BNIP2: variants seen among roughly 807,000 people sequenced by gnomAD.
The protein encoded by BNIP2 is BCL2 interacting protein 2.
In BNIP2, 36 loss-of-function variants were observed where a neutral mutation model predicts 43.4. The observed-to-expected ratio is 0.83, with a 90% confidence interval of 0.64 to 1.10. The LOEUF is 1.10. BNIP2 is among the 50% of genes least tolerant of loss of function. The pLI is 0.00. For synonymous variants in BNIP2, 146 were observed against 121.0 expected, an observed-to-expected ratio of 1.21 and a Z score of -1.35; for missense variants, 417 against 374.1, an observed-to-expected ratio of 1.11 and a Z score of -0.95.
rs1172856178 is a variant in BNIP2, at chr15:59,689,249, G to T, written c.-172C>A. On this transcript the variant is annotated 5_prime_UTR_variant, in exon 1 of 10. Coordinates refer to ENST00000607373, the MANE Select transcript of BNIP2 (RefSeq NM_004330.4). ...GCGGAGCCCGCTCCCCTCGGTCGGC[G>T]GTGGAGACCCCGGCCCAATCCCCCG... 4.5e-6 allele frequency: 7 copies of T among 1,543,358 alleles called. No homozygotes were observed. In the East Asian group the frequency reaches 1.5e-4, roughly 32 times the overall value.
At position 59,676,654 on chromosome 15, in the gene BNIP2, T is replaced by C. The variant is rs564760107; in HGVS notation, c.472+1257A>G. On this transcript the variant is annotated intron_variant, in intron 5 of 9. Transcript: ENST00000607373. Reference sequence around the variant, plus strand: ...AATTACATAATATCTCTAGGCAGAGTTTCTAAAAGTATTTAGAATTCTGAT... The same window carrying C: ...AATTACATAATATCTCTAGGCAGAGCTTCTAAAAGTATTTAGAATTCTGAT... 16 of 589,630 alleles carry C rather than the reference T, an allele frequency of 2.7e-5. No individual in the cohort carries two copies. In the South Asian group the frequency reaches 3.5e-4, roughly 13 times the overall value. The allele number at this position is 589,630 out of a possible 1,614,324, so 36.5% of individuals were successfully genotyped here.
intron 2 of BNIP2, 126 bp downstream of exon 2, chr15:59,682,282 G>T (rs6151486): frequency 0.35 from 245,483 of 701,972 alleles, 45,283 homozygotes; most frequent in East Asian, 0.54. Context: ...AGCTGAGATC[G>T]CGCCACTGCA....
chr15:59,666,981 GCAATTCA>G (rs1461517715), intron 9 of BNIP2, among the ~76,000 whole-genome samples: 2 of 151,986 alleles, frequency 1.3e-5, no homozygotes, highest in Non-Finnish European at 2.9e-5. Context: ...ATCAACAAAG[GCAATTCA>G]CTGTGAAATC....
chr15:59,681,396 T>G (rs1327966781), intron 2 of BNIP2, among the ~76,000 whole-genome samples: 1 of 152,124 alleles, frequency 6.6e-6, no homozygotes, highest in Non-Finnish European at 1.5e-5. Context: ...TAGAAAATCC[T>G]TATTAATTTA....
In BNIP2 at chr15:59,682,521, A is replaced by G. The variant is rs1476425399; in HGVS notation, c.-57-7T>C. ...AATCCAGGGAGCCAATGTCCTATGA[A>G]GAGAGAAAAATGTATAACTTAATTT... On this transcript the variant is annotated splice_polypyrimidine_tract_variant and splice_region_variant and intron_variant, in intron 1 of 9. Coordinates refer to ENST00000607373, the MANE Select transcript of BNIP2 (RefSeq NM_004330.4). 4 of 1,592,362 alleles carry G rather than the reference A, an allele frequency of 2.5e-6. No individual in the cohort carries two copies. Among genetic ancestry groups the G allele is most frequent in the South Asian group, 2.3e-5 (2 of 87,492 alleles).
At chr15:59,686,992 G>T (rs1894060938) in intron 1 of BNIP2, among the ~76,000 whole-genome samples, 1 of 152,158 alleles carries the variant, frequency 6.6e-6, no homozygotes, top group South Asian at 2.1e-4. Context: ...ATTCCAGCCT[G>T]GGTGACAGAG....
At chr15:59,678,748 C>A in intron 4 of BNIP2, 1 of 1,286,628 alleles carries the variant, frequency 7.8e-7, no homozygotes, top group Non-Finnish European at 1.0e-6. Context: ...TAGTCCTTAC[C>A]AAAAGATGGG....
intron 9 of BNIP2, among the ~76,000 whole-genome samples, chr15:59,664,575 G>T (rs1327535538): frequency 1.3e-5 from 2 of 151,996 alleles, no homozygotes; most frequent in Non-Finnish European, 2.9e-5. Flanking sequence ...TAGAGGTGGG[G>T]TTTCACCATG....
chr15:59,664,280 C>T (rs1176008896), intron 9 of BNIP2, among the ~76,000 whole-genome samples, 160 bp from the exon 10 acceptor site: 1 of 152,138 alleles, frequency 6.6e-6, no homozygotes, highest in East Asian at 1.9e-4. Context: ...TTTCCCCAAC[C>T]AGAAAAGAGA....
At position 59,678,040 on chromosome 15, in the gene BNIP2, T is replaced by C. The variant is rs1427620772; in HGVS notation, c.343A>G (p.Ile115Val). The C allele has an allele frequency of 4.3e-6, 7 of 1,613,812 alleles. No individual in the cohort carries two copies. Among genetic ancestry groups the C allele is most frequent in the Non-Finnish European group, 5.9e-6 (7 of 1,179,826 alleles). The change falls in exon 5 of 10, where the codon ATT (isoleucine) becomes GTT (valine). Residue 115 changes from isoleucine (I) to valine (V), a missense_variant. Transcript: ENST00000607373. Reference protein sequence around the residue: ...KTTEVIRKGSITEYTAAEEKE... With the variant: ...KTTEVIRKGSVTEYTAAEEKE... Reference sequence around the variant, plus strand: ...TCCTCTGCTGCTGTGTATTCAGTAATTGAGCCTTTCCTAATTACTTCAGTA... The same window carrying C: ...TCCTCTGCTGCTGTGTATTCAGTAACTGAGCCTTTCCTAATTACTTCAGTA...
chr15:59,688,658 A>G lies in BNIP2; in HGVS notation c.-58+477T>C, dbSNP rs539622804. On this transcript the variant is annotated intron_variant, in intron 1 of 9. Coordinates refer to ENST00000607373, the MANE Select transcript of BNIP2 (RefSeq NM_004330.4). ...ACACACTCTGTATTTGGTTTAGCGT[A>G]CTAGGGAAGATCTATTAAAGCCCTG... 24 of 1,496,296 alleles carry G rather than the reference A, an allele frequency of 1.6e-5. No individual in the cohort carries two copies. The South Asian group carries it at 2.4e-4, about 15-fold the overall frequency. The allele number at this position is 1,496,296 out of a possible 1,614,324, so 92.7% of individuals were successfully genotyped here. A position where few individuals can be genotyped will look rare whatever the true frequency, so the allele number is the denominator to read the frequency against.
chr15:59,668,265 T>C (rs1162784239), intron 9 of BNIP2: 4 of 439,426 alleles, frequency 9.1e-6, no homozygotes, highest in African/African-American at 6.3e-5. Context: ...CTACATGATG[T>C]AGAAAGTAAA....
intron 1 of BNIP2, chr15:59,688,900 G>A (rs1219733125): frequency 1.4e-6 from 2 of 1,472,446 alleles, no homozygotes; most frequent in Non-Finnish European, 8.9e-7. Context: ...CGACGGGGTG[G>A]GGGGCCAAAC....
chr15:59,676,734 G>A, intron 5 of BNIP2: 1 of 1,230,758 alleles, frequency 8.1e-7, no homozygotes, highest in Non-Finnish European at 1.1e-6. Flanking sequence ...GCGGTGCGGT[G>A]CGGGCGGCAG....
Position 59,679,612 on chromosome 15 carries a change from C to T in BNIP2, c.275G>A (p.Ser92Asn). The T allele has an allele frequency of 1.2e-6, 2 of 1,613,002 alleles. No homozygotes were observed. The highest frequency in any genetic ancestry group is 2.2e-5 in the East Asian group (1 of 44,778). The change falls in exon 4 of 10, where the codon AGT becomes AAT. Residue 92 changes from serine (S) to asparagine (N), a missense_variant. Physicochemically the swap from Ser to Asn is conservative, Grantham distance 46 (BLOSUM62 1). Transcript: ENST00000607373. ...TTTACCTTCCCACTCAAACTCATTA[C>T]TATTCTCTGACGGTGTGTCTAAGCC... ...LDGLDTPSENSNEFEWEDDLP... is the reference protein window; with the variant it reads ...LDGLDTPSENNNEFEWEDDLP...
At position 59,673,648 on chromosome 15, in the gene BNIP2, C is replaced by T. The variant is rs969646251; in HGVS notation, c.473-909G>A. Among the ~76,000 whole-genome samples, 19 of 152,216 alleles carry T rather than the reference C, an allele frequency of 1.2e-4. No individual in the cohort carries two copies. In the East Asian group the frequency reaches 2.9e-3, roughly 23 times the overall value. ...GTTTCACTGTGTTGCTCAGACTGGT[C>T]GTGAACTCCTGGCCTTAAGCAATCC... is the stretch of plus-strand genomic sequence containing the variant. On this transcript the variant is annotated intron_variant, in intron 5 of 9. Coordinates refer to ENST00000607373, the MANE Select transcript of BNIP2 (RefSeq NM_004330.4).
chr15:59,662,008 C>A lies in BNIP2; in HGVS notation c.*2061G>T, dbSNP rs1413883311. 5 of 152,048 alleles carry A rather than the reference C, an allele frequency of 3.3e-5. No homozygotes were observed. The highest frequency in any genetic ancestry group is 3.3e-4 in the Admixed American group (5 of 15,270). 9.4% of individuals were successfully genotyped at this position (152,048 alleles called of 1,614,324 possible). ...TTTTAATGTTTAACAGAATAGTCTT[C>A]TACTTTTAAAAAAAATTCAGAAAAA... is the stretch of plus-strand genomic sequence containing the variant. On this transcript the variant is annotated 3_prime_UTR_variant, in exon 10 of 10. Transcript: ENST00000607373.
At chr15:59,674,178 G>A (rs1209424990) in intron 5 of BNIP2, among the ~76,000 whole-genome samples, 1 of 151,298 alleles carries the variant, frequency 6.6e-6, no homozygotes, top group African/African-American at 2.4e-5. Context: ...GCTAAAATAT[G>A]TATGTTTCAA....
At chr15:59,669,084 G>T in intron 8 of BNIP2, 94 bp from the exon 9 acceptor site, 1 of 1,219,570 alleles carries the variant, frequency 8.2e-7, no homozygotes, top group Non-Finnish European at 1.2e-6. Context: ...CATTTTGAAT[G>T]TTCAAAACAC....
Sources: allele counts gnomAD v4.1 joint callset (sites outside exome capture counted in the v4.1 genomes callset), GRCh38; gene constraint gnomAD v4.1.1; transcripts MANE v1.5; gene names NCBI Gene and HGNC (gene_info 2026-07-23, HGNC 2026-07-21).